Variants in PALM2AKAP2 observed in about 807,000 individuals in gnomAD.
PALM2AKAP2 encodes the protein PALM2-AKAP2 fusion protein.
PALM2AKAP2 carries 37 observed loss-of-function variants against 71.5 expected under a neutral mutation model. The ratio of observed to expected loss-of-function variants is 0.52; its 90% CI spans 0.40 to 0.68. The LOEUF is 0.68. Ranked by LOEUF, PALM2AKAP2 falls within the 30% of genes least tolerant of loss-of-function variation. The probability of loss-of-function intolerance (pLI) is 0.00; values close to 1 mark genes in which losing one functional copy is unlikely to be tolerated. For missense variants in PALM2AKAP2, 1,224 were observed against 1,191.8 expected (o/e 1.03, Z -0.40); for synonymous variants, 468 against 478.8 (o/e 0.98, Z 0.29).
chr9:109,713,846 T>C (rs2118615061), intron 1 of PALM2AKAP2, among the ~76,000 whole-genome samples: 1 of 152,326 alleles, frequency 6.6e-6, no homozygotes, highest in East Asian at 1.9e-4. Flanking sequence ...TTTTACATAT[T>C]ACATTTTTCA....
chr9:110,144,285 G>A (rs535071836), intron 2 of PALM2AKAP2, among the ~76,000 whole-genome samples: 1 of 152,380 alleles, frequency 6.6e-6, no homozygotes, highest in East Asian at 1.9e-4. Context: ...TGTGCAGCTT[G>A]TAGGAGCCCT....
intron 1 of PALM2AKAP2, among the ~76,000 whole-genome samples, chr9:109,688,278 A>G (rs558245283): frequency 6.6e-6 from 1 of 152,380 alleles, no homozygotes; most frequent in Non-Finnish European, 1.5e-5. Flanking sequence ...GAAGCACAAT[A>G]CAATAAGGTA....
chr9:110,167,030 C>A (rs1321146507), intron 3 of PALM2AKAP2, among the ~76,000 whole-genome samples: 1 of 152,222 alleles, frequency 6.6e-6, no homozygotes, highest in African/African-American at 2.4e-5. Context: ...GCACGTCTTA[C>A]ATGGCAGCAG....
At chr9:110,054,601 C>T (rs1008087293) in intron 1 of PALM2AKAP2, among the ~76,000 whole-genome samples, 41 of 152,236 alleles carry the variant, frequency 2.7e-4, no homozygotes, top group African/African-American at 9.6e-4. Flanking sequence ...GAAACAGGGT[C>T]TCACTCTGTC....
At chr9:110,048,703 C>T in exon 1 of PALM2AKAP2, 3 of 1,545,212 alleles carry the variant, frequency 1.9e-6, no homozygotes, top group South Asian at 2.4e-5. Context: ...CCTGCAGATG[C>T]GCTGGCCCCA....
chr9:110,142,114 C>G (rs554592492), intron 2 of PALM2AKAP2, among the ~76,000 whole-genome samples: 23 of 148,770 alleles, frequency 1.5e-4, no homozygotes, highest in Admixed American at 4.0e-4. Context: ...CTCTGTCTCC[C>G]AGGCTGGAGT....
At chr9:110,162,854 C>T (rs768314990) in intron 3 of PALM2AKAP2, among the ~76,000 whole-genome samples, 2 of 152,072 alleles carry the variant, frequency 1.3e-5, no homozygotes, top group African/African-American at 4.8e-5. Flanking sequence ...TGGTGTGTGC[C>T]ACTATGCCCA....
chr9:109,819,346 G>A (rs1026534446), intron 1 of PALM2AKAP2, among the ~76,000 whole-genome samples: 2 of 152,154 alleles, frequency 1.3e-5, no homozygotes, highest in Non-Finnish European at 1.5e-5. Flanking sequence ...AATGAAGATA[G>A]GGGGCGAGCA....
chr9:109,826,639 G>C (rs1336142674), intron 1 of PALM2AKAP2, among the ~76,000 whole-genome samples: 2 of 152,194 alleles, frequency 1.3e-5, no homozygotes, highest in Non-Finnish European at 2.9e-5. Context: ...GGGAGATAGG[G>C]AAAGAAAGTT....
At chr9:109,851,334 T>A (rs1564179784) in intron 1 of PALM2AKAP2, among the ~76,000 whole-genome samples, 1 of 152,128 alleles carries the variant, frequency 6.6e-6, no homozygotes, top group Non-Finnish European at 1.5e-5. Context: ...ATCTTAATGG[T>A]CTTCCAGGGT....
chr9:109,775,891 T>A (rs758263857), upstream of PALM2AKAP2, among the ~76,000 whole-genome samples: 28 of 152,264 alleles, frequency 1.8e-4, no homozygotes, highest in Non-Finnish European at 3.4e-4. Flanking sequence ...CTATTTTGCA[T>A]ATCTAGCATT....
chr9:110,084,605 A>T (rs1464577225), intron 1 of PALM2AKAP2, among the ~76,000 whole-genome samples: 1 of 152,202 alleles, frequency 6.6e-6, no homozygotes, highest in East Asian at 1.9e-4. Context: ...AGATCTCTAG[A>T]TTACTTATGA....
At chr9:110,060,728 A>G (rs1364012580) in intron 1 of PALM2AKAP2, among the ~76,000 whole-genome samples, 1 of 152,034 alleles carries the variant, frequency 6.6e-6, no homozygotes, top group African/African-American at 2.4e-5. Context: ...CAGCCTCCCG[A>G]GTAGCTGAGA....
At chr9:110,003,494 A>T (rs1222217076) in intron 6 of PALM2AKAP2, among the ~76,000 whole-genome samples, 3 of 152,184 alleles carry the variant, frequency 2.0e-5, no homozygotes, top group African/African-American at 7.2e-5. Context: ...TGCTGAAAAG[A>T]ATGTACATTC....
At chr9:109,694,630 A>G (rs959505385) in intron 1 of PALM2AKAP2, among the ~76,000 whole-genome samples, 14 of 152,112 alleles carry the variant, frequency 9.2e-5, no homozygotes, top group African/African-American at 2.9e-4. Flanking sequence ...TTCATATTAT[A>G]TTAATCTACA....
chr9:109,962,822 TA>T (rs1831877830), intron 6 of PALM2AKAP2, among the ~76,000 whole-genome samples: 1 of 152,184 alleles, frequency 6.6e-6, no homozygotes, highest in South Asian at 2.1e-4. Context: ...TTTGTATTTT[TA>T]GTAGAGATGA....
chr9:110,034,010 G>T (rs1309577606), intron 7 of PALM2AKAP2, among the ~76,000 whole-genome samples: 1 of 152,160 alleles, frequency 6.6e-6, no homozygotes, highest in Non-Finnish European at 1.5e-5. Context: ...CCTATGGAAG[G>T]TCCTGCTCAG....
At chr9:109,949,151 G>T (rs1178598648) in intron 6 of PALM2AKAP2, among the ~76,000 whole-genome samples, 1 of 152,320 alleles carries the variant, frequency 6.6e-6, no homozygotes, top group African/African-American at 2.4e-5. Context: ...AACCAAACAC[G>T]TATCTGTGTT....
rs1029011095 is a variant in PALM2AKAP2 at position 109,861,804 on chromosome 9, C to T, written c.46-5687C>T. The stretch of plus-strand genomic sequence containing the variant: ...TGGGTTAATGTCTTTAGCATTAGGA[C>T]ACTTCTGGTTTTATGGACTGATGGC... On this transcript the variant is annotated intron_variant, in intron 1 of 9. Coordinates refer to the PALM2AKAP2 transcript ENST00000302798. 7.9e-5 allele frequency among the ~76,000 whole-genome samples: 12 copies of T among 152,184 alleles called. No individual in the cohort carries two copies. In the South Asian group the frequency reaches 2.5e-3, roughly 32 times the overall value.
Sources: gnomAD v4.1 joint callset for allele counts (sites outside exome capture counted in the v4.1 genomes callset) on GRCh38, gnomAD v4.1.1 for gene constraint, MANE v1.5 for transcripts, NCBI Gene and HGNC (gene_info 2026-07-23, HGNC 2026-07-21) for gene names.